Variants in SIRPB2 observed in about 807,000 individuals in gnomAD.
SIRPB2 encodes the protein signal regulatory protein beta 2.
In SIRPB2, 18 loss-of-function variants were observed where a neutral mutation model predicts 27.1. The observed-to-expected ratio is 0.66, with a 90% CI of 0.46 to 0.98. The LOEUF is 0.98. Ranked by LOEUF, SIRPB2 falls within the 50% of genes least tolerant of loss-of-function variation. The pLI is 0.00. For synonymous variants in SIRPB2, 150 were observed against 164.6 expected, an observed-to-expected ratio of 0.91 and a Z score of 0.68; for missense variants, 420 against 417.4, an observed-to-expected ratio of 1.01 and a Z score of -0.06.
chr20:1,488,721 T>C (rs1177485591), intron 1 of SIRPB2, among the ~76,000 whole-genome samples: 1 of 152,128 alleles, frequency 6.6e-6, no homozygotes, highest in Non-Finnish European at 1.5e-5. Flanking sequence ...TTGACCATAA[T>C]AAGTGTTGGT....
chr20:1,477,383 C>T lies in SIRPB2; in HGVS notation c.814G>A (p.Glu272Lys). Residue 272 changes from glutamate to lysine, a missense_variant, in exon 4 of 5, where the codon GAG becomes AAG. By Grantham distance (56) the Glu-to-Lys change is moderately conservative. Coordinates refer to ENST00000359801, the MANE Select transcript of SIRPB2 (RefSeq NM_001122962.2). ...GCAGGTTCACTGGTGAATTCTGCCT[C>T]TTTGGAAGAGGTAGATTTTGCTGCA... ...KVKAKSTSSKEAEFTSEPATE... is the reference protein window; with the variant it reads ...KVKAKSTSSKKAEFTSEPATE... 2.5e-6 allele frequency: 4 copies of T among 1,613,628 alleles called. No homozygotes were observed. The highest frequency in any genetic ancestry group is 3.4e-6 in the Non-Finnish European group (4 of 1,179,598).
chr20:1,480,151 TG>T, intron 1 of SIRPB2, 86 bp from the exon 2 acceptor site: 3 of 1,477,860 alleles, frequency 2.0e-6, no homozygotes, highest in Non-Finnish European at 1.8e-6. Flanking sequence ...AACCATTATC[TG>T]GCCAAGAACA....
intron 4 of SIRPB2, chr20:1,477,101 C>A: frequency 6.7e-7 from 1 of 1,488,602 alleles, no homozygotes; most frequent in South Asian, 1.3e-5. Flanking sequence ...ACCTCTCAAA[C>A]AACATTTCCC....
intron 1 of SIRPB2, among the ~76,000 whole-genome samples, chr20:1,482,071 T>TA (rs754868263): frequency 5.9e-4 from 89 of 151,440 alleles, no homozygotes; most frequent in African/African-American, 8.2e-4. Context: ...CAAACTGATT[T>TA]TAAAAAAAAA....
At chr20:1,473,688 T>G, downstream of SIRPB2, 1 of 324,742 alleles carries the variant, frequency 3.1e-6, no homozygotes, top group Non-Finnish European at 6.3e-6. Context: ...TGGAGAAGAG[T>G]CAGCTTACAG....
chr20:1,479,415 T>C, intron 2 of SIRPB2: 1 of 455,400 alleles, frequency 2.2e-6, no homozygotes, highest in Non-Finnish European at 4.0e-6. Flanking sequence ...ATAATGTGAG[T>C]AGATGCTTGA....
At chr20:1,479,393 C>A in intron 2 of SIRPB2, 1 of 386,556 alleles carries the variant, frequency 2.6e-6, no homozygotes, top group Non-Finnish European at 4.8e-6. Context: ...AGCCAGTGGG[C>A]TGTTAGCAGA....
At chr20:1,480,096 G>A (rs1396546437) in intron 1 of SIRPB2, 31 bp from the exon 2 acceptor site, 1 of 1,561,150 alleles carries the variant, frequency 6.4e-7, no homozygotes, top group Non-Finnish European at 8.6e-7. Flanking sequence ...CCTTGCACTG[G>A]GCAGGAAGGA....
downstream of SIRPB2, among the ~76,000 whole-genome samples, chr20:1,471,767 C>T (rs979998312): frequency 3.9e-5 from 6 of 152,168 alleles, no homozygotes; most frequent in African/African-American, 1.4e-4. Flanking sequence ...TTATAGGAAG[C>T]CCCTGTCAAA....
chr20:1,476,252 C>T lies in SIRPB2; in HGVS notation c.944G>A (p.Arg315Gln), dbSNP rs200528602. ...AALLLALATS[R>Q]RSPGQEDVKT... ...GACATCTTCTTGCCCAGGGCTCCTC[C>T]GAGAGGTAGCCAGGGCCAGTAGGAG... The change falls in exon 5 of 5, where the codon CGG (arginine) becomes CAG (glutamine). Residue 315 changes from arginine (R) to glutamine (Q), a missense_variant. Coordinates refer to ENST00000359801, the MANE Select transcript of SIRPB2 (RefSeq NM_001122962.2). 110 of 1,613,904 alleles carry T rather than the reference C, an allele frequency of 6.8e-5. No homozygotes were observed. The highest frequency in any genetic ancestry group is 3.1e-4 in the African/African-American group (23 of 74,876).
At chr20:1,472,707 A>C (rs1276431604), downstream of SIRPB2, 1 of 152,220 alleles carries the variant, frequency 6.6e-6, no homozygotes, top group Admixed American at 6.5e-5. Context: ...TGAGAGAAAC[A>C]AACTCACCCA....
chr20:1,477,575 G>A (rs529715022), intron 3 of SIRPB2, among the ~76,000 whole-genome samples, 172 bp from the exon 4 acceptor site: 4 of 152,336 alleles, frequency 2.6e-5, no homozygotes, highest in East Asian at 1.9e-4. Context: ...ACTGGAGCAC[G>A]TTTAGGGTAT....
At chr20:1,479,645 C>A in intron 2 of SIRPB2, 55 bp downstream of exon 2, 1 of 1,589,050 alleles carries the variant, frequency 6.3e-7, no homozygotes, top group South Asian at 1.2e-5. Flanking sequence ...ATAAAGGTGA[C>A]TGTGCAGGGA....
chr20:1,476,161 G>A lies in SIRPB2; in HGVS notation c.*6C>T. On this transcript the variant is annotated 3_prime_UTR_variant, in exon 5 of 5. Transcript: ENST00000359801. ...CTCAGAGGGTCCTCACTCTGGGGCT[G>A]ACCCCTCACTCTTGACCCTTGCTCC... 3.7e-6 allele frequency: 6 copies of A among 1,612,764 alleles called. No individual in the cohort carries two copies. Among genetic ancestry groups the A allele is most frequent in the Non-Finnish European group, 5.1e-6 (6 of 1,179,560 alleles).
intron 1 of SIRPB2, among the ~76,000 whole-genome samples, chr20:1,482,443 T>C (rs1014101815): frequency 2.6e-5 from 4 of 152,172 alleles, no homozygotes; most frequent in Middle Eastern, 3.2e-3. Flanking sequence ...TAGTTTCTAC[T>C]TCCGTGAGAT....
intron 3 of SIRPB2, 65 bp downstream of exon 3, chr20:1,478,201 T>G: frequency 1.4e-6 from 2 of 1,457,242 alleles, no homozygotes; most frequent in African/African-American, 1.4e-5. Context: ...GTTCGGGACA[T>G]GTAGAAAAAT....
At chr20:1,472,423 C>A (rs866256677), downstream of SIRPB2, among the ~76,000 whole-genome samples, 1 of 152,162 alleles carries the variant, frequency 6.6e-6, no homozygotes, top group African/African-American at 2.4e-5. Flanking sequence ...GATTTTACAA[C>A]TGAGTCTGTG....
Position 1,475,728 on chromosome 20 carries a change from G to A in SIRPB2, c.*439C>T. On this transcript the variant is annotated 3_prime_UTR_variant, in exon 5 of 5. Coordinates refer to ENST00000359801, the MANE Select transcript of SIRPB2 (RefSeq NM_001122962.2). ...CCATGAGGGGGATGGAAGGAAGGCA[G>A]GAAGGAGTGGGGAGAAAGGTGTAGA... 1 of 161,748 alleles carries A rather than the reference G, an allele frequency of 6.2e-6. No homozygotes were observed. Among genetic ancestry groups the A allele is most frequent in the Non-Finnish European group, 1.3e-5 (1 of 74,684 alleles). The allele number at this position is 161,748 out of a possible 1,614,324, so 10.0% of individuals were successfully genotyped here.
chr20:1,473,077 G>A (rs1189917829), downstream of SIRPB2: 1 of 152,318 alleles, frequency 6.6e-6, no homozygotes, highest in Non-Finnish European at 1.5e-5. Context: ...CCTGCGTTGT[G>A]AAGGCCCTCA....
Sources: gnomAD v4.1 joint callset for allele counts (sites outside exome capture counted in the v4.1 genomes callset) on GRCh38, gnomAD v4.1.1 for gene constraint, MANE v1.5 for transcripts, NCBI Gene and HGNC (gene_info 2026-07-23, HGNC 2026-07-21) for gene names.